The following NR2F1-AS1 variants were observed in gnomAD, a reference collection of about 807,000 sequenced individuals.
NR2F1-AS1 encodes NR2F1 regulatory antisense RNA 1.
At position 93,568,557 on chromosome 5, in the gene NR2F1-AS1, A is replaced by G. The variant is rs143140952; in HGVS notation, n.314-5094T>C. ...AAAGAATTTTCAAGATTATAAACCA[A>G]AGAAAACTTGACACGAGTCCCTGAA... On this transcript the variant is annotated intron_variant and non_coding_transcript_variant, in intron 1 of 5. Transcript: ENST00000660523. Among the ~76,000 whole-genome samples the G allele has an allele frequency of 3.9e-3, 595 of 152,350 alleles. 1 individual carries two copies. The highest frequency in any genetic ancestry group is 6.3e-3 in the Non-Finnish European group (427 of 68,034).
In NR2F1-AS1 at chr5:93,553,126, CTTTTTTT is replaced by C. The variant is rs759720424; in HGVS notation, n.638+628_638+634del. On this transcript the variant is annotated intron_variant and non_coding_transcript_variant, in intron 4 of 5. Coordinates refer to ENST00000660523, the Ensembl canonical transcript of NR2F1-AS1. Reference sequence around the variant, plus strand: ...GAAATTTCCTGATATCAGTAATACACTTTTTTTTTTTTTTTTTTTTGGAGACACAGTC... The same window carrying C: ...GAAATTTCCTGATATCAGTAATACACTTTTTTTTTTTTTGGAGACACAGTC... Among the ~76,000 whole-genome samples, 253 of 133,754 alleles carry C rather than the reference CTTTTTTT, an allele frequency of 1.9e-3. 1 individual carries two copies. Among genetic ancestry groups the C allele is most frequent in the Middle Eastern group, 7.4e-3 (2 of 270 alleles). 87.7% of individuals were successfully genotyped at this position (133,754 alleles called of 152,430 possible).
At position 93,579,072 on chromosome 5, in the gene NR2F1-AS1, G is replaced by A. The variant is rs1561516621; in HGVS notation, n.313+1395C>T. 2.6e-5 allele frequency among the ~76,000 whole-genome samples: 4 copies of A among 152,172 alleles called. No homozygotes were observed. Among genetic ancestry groups the A allele is most frequent in the Non-Finnish European group, 5.9e-5 (4 of 68,008 alleles). ...GCCCTGTGGGTGTGCAACCGCGGTC[G>A]GGGAGCACAGGCTTCCGAAGAGAAA... On this transcript the variant is annotated intron_variant and non_coding_transcript_variant, in intron 1 of 5. Coordinates refer to ENST00000660523, the Ensembl canonical transcript of NR2F1-AS1. The surrounding 1 kb of genome is among the most constrained non-coding windows in gnomAD (Gnocchi z 5.1).
chr5:93,533,085 C>G (rs1313034782), intron 4 of NR2F1-AS1, among the ~76,000 whole-genome samples: 3 of 152,136 alleles, frequency 2.0e-5, no homozygotes, highest in African/African-American at 7.2e-5. Context: ...TTACATTAGG[C>G]TTTTACCTGA....
intron 4 of NR2F1-AS1, among the ~76,000 whole-genome samples, chr5:93,502,537 GGCCC>G (rs1424987194): frequency 3.3e-5 from 5 of 152,066 alleles, no homozygotes; most frequent in African/African-American, 1.2e-4. Context: ...TGTGGTTTGG[GGCCC>G]ATGTAAGTAG....
At chr5:93,439,516 G>A (rs1210120749) in intron 4 of NR2F1-AS1, among the ~76,000 whole-genome samples, 3 of 152,188 alleles carry the variant, frequency 2.0e-5, no homozygotes, top group Non-Finnish European at 4.4e-5. Context: ...GGATGGTCTC[G>A]ATCTCCTGAC....
intron 2 of NR2F1-AS1, among the ~76,000 whole-genome samples, chr5:93,562,108 G>C (rs1191744302): frequency 6.8e-6 from 1 of 146,920 alleles, no homozygotes; most frequent in East Asian, 2.0e-4. Context: ...AGCACTTTGG[G>C]AGGCCAAGGT....
At chr5:93,531,986 C>A (rs1751744920) in intron 4 of NR2F1-AS1, among the ~76,000 whole-genome samples, 1 of 152,172 alleles carries the variant, frequency 6.6e-6, no homozygotes, top group Non-Finnish European at 1.5e-5. Flanking sequence ...GCCTACCTCT[C>A]TACCTTTTTT....
At chr5:93,559,562 T>G (rs1029383345) in intron 2 of NR2F1-AS1, among the ~76,000 whole-genome samples, 3 of 152,250 alleles carry the variant, frequency 2.0e-5, no homozygotes, top group Admixed American at 2.0e-4. Flanking sequence ...TGACATGCCT[T>G]CCTCACTAAG....
At chr5:93,472,384 T>C (rs1243890809) in intron 4 of NR2F1-AS1, among the ~76,000 whole-genome samples, 2 of 151,870 alleles carry the variant, frequency 1.3e-5, no homozygotes, top group African/African-American at 4.8e-5. Context: ...TAATGCCTAA[T>C]ATCTTGTGCC....
At chr5:93,473,249 G>A (rs1032047466) in intron 4 of NR2F1-AS1, among the ~76,000 whole-genome samples, 5 of 151,876 alleles carry the variant, frequency 3.3e-5, no homozygotes, top group African/African-American at 1.2e-4. Context: ...ACTAAAATCT[G>A]CCATATATAA....
At chr5:93,532,748 A>G (rs1055196074) in intron 4 of NR2F1-AS1, among the ~76,000 whole-genome samples, 1 of 152,246 alleles carries the variant, frequency 6.6e-6, no homozygotes, top group African/African-American at 2.4e-5. Context: ...TTCGTGGTTA[A>G]GTGAAAACTG....
At chr5:93,482,135 T>C (rs1750612989) in intron 4 of NR2F1-AS1, among the ~76,000 whole-genome samples, 1 of 152,036 alleles carries the variant, frequency 6.6e-6, no homozygotes, top group Admixed American at 6.6e-5. Context: ...AAAAATCAAC[T>C]GTAGAAATTA....
chr5:93,508,389 T>C (rs1163678514), intron 4 of NR2F1-AS1, among the ~76,000 whole-genome samples: 1 of 152,148 alleles, frequency 6.6e-6, no homozygotes, highest in Admixed American at 6.5e-5. Context: ...AAACGAAAAG[T>C]TATTTTCATA....
At chr5:93,565,395 A>T (rs962329136) in intron 1 of NR2F1-AS1, among the ~76,000 whole-genome samples, 1 of 152,244 alleles carries the variant, frequency 6.6e-6, no homozygotes, top group African/African-American at 2.4e-5. Flanking sequence ...TCCAACATTT[A>T]AAAAAGTATT....
intron 4 of NR2F1-AS1, among the ~76,000 whole-genome samples, chr5:93,434,186 A>T (rs1749386560): frequency 6.6e-6 from 1 of 151,932 alleles, no homozygotes; most frequent in African/African-American, 2.4e-5. Flanking sequence ...GCTAGAAGGG[A>T]TGATCAGTTT....
At chr5:93,444,408 T>G (rs1749646230) in intron 4 of NR2F1-AS1, among the ~76,000 whole-genome samples, 1 of 152,134 alleles carries the variant, frequency 6.6e-6, no homozygotes, top group Admixed American at 6.6e-5. Context: ...TCCTAGTCTC[T>G]GATCAAACAG....
chr5:93,431,498 T>C (rs562883768), intron 4 of NR2F1-AS1, among the ~76,000 whole-genome samples: 1 of 152,358 alleles, frequency 6.6e-6, no homozygotes, highest in Non-Finnish European at 1.5e-5. Context: ...CATTGACTTT[T>C]GTCTAGTTAG....
chr5:93,429,828 C>T (rs1030347973), intron 4 of NR2F1-AS1, among the ~76,000 whole-genome samples: 1 of 152,174 alleles, frequency 6.6e-6, no homozygotes, highest in African/African-American at 2.4e-5. Flanking sequence ...GGATAATAGA[C>T]AAACCAACAG....
chr5:93,472,974 T>G (rs1403418015), intron 4 of NR2F1-AS1, among the ~76,000 whole-genome samples: 1 of 151,938 alleles, frequency 6.6e-6, no homozygotes, highest in African/African-American at 2.4e-5. Flanking sequence ...GAACAATTTT[T>G]GCCTATTTTT....
Sources: gnomAD v4.1 joint callset for allele counts (sites outside exome capture counted in the v4.1 genomes callset) on GRCh38, gnomAD v4.1.1 for gene constraint, Gnocchi (gnomAD v3.1) non-coding constraint, MANE v1.5 for transcripts, NCBI Gene and HGNC (gene_info 2026-07-23, HGNC 2026-07-21) for gene names.